RESF1: variants seen among roughly 807,000 people sequenced by gnomAD.
RESF1 encodes gonad expressed transcript.
RESF1 carries 65 observed loss-of-function variants against 134.7 expected under a neutral mutation model. The observed-to-expected ratio is 0.48, with a 90% CI of 0.40 to 0.59. RESF1 has a LOEUF of 0.59. RESF1 is among the 20% of genes least tolerant of loss of function. The pLI is 0.00. For synonymous variants in RESF1, 762 were observed against 702.2 expected, an observed-to-expected ratio of 1.09 and a Z score of -1.35; for missense variants, 2,274 against 2,002.7, an observed-to-expected ratio of 1.14 and a Z score of -2.59.
intron 5 of RESF1, among the ~76,000 whole-genome samples, chr12:31,991,648 GTC>G: frequency 1.3e-5 from 2 of 152,240 alleles, no homozygotes; most frequent in Admixed American, 1.3e-4. Flanking sequence ...TTTTGAGACA[GTC>G]TCGCTCTGTC....
chr12:31,960,569 C>T (rs911437696), intron 1 of RESF1, among the ~76,000 whole-genome samples: 2 of 152,156 alleles, frequency 1.3e-5, no homozygotes, highest in East Asian at 3.8e-4. Flanking sequence ...CCTAGAGGAG[C>T]GCACATAAAT....
Position 31,985,353 on chromosome 12 carries a change from A to G in RESF1, c.4398A>G (p.Lys1466=). The part of the protein sequence containing the change: ...KEALSNKASK[K]ICVKNVPCDS... The stretch of plus-strand genomic sequence containing the variant: ...CTCTGAGTAATAAAGCATCGAAGAA[A>G]ATCTGTGTGAAAAACGTGCCATGTG... The change falls in exon 4 of 6, where the codon AAA becomes AAG. Residue 1466 remains lysine, a synonymous_variant. Transcript: ENST00000312561. The G allele has an allele frequency of 6.2e-7, 1 of 1,609,674 alleles. No homozygotes were observed. Among genetic ancestry groups the G allele is most frequent in the Non-Finnish European group, 8.5e-7 (1 of 1,179,076 alleles).
At chr12:31,966,738 CCTG>C (rs1939405275) in intron 2 of RESF1, among the ~76,000 whole-genome samples, 1 of 152,184 alleles carries the variant, frequency 6.6e-6, no homozygotes, top group Admixed American at 6.5e-5. Context: ...GTGTGATCAT[CCTG>C]CTGGGAATCA....
intron 3 of RESF1, among the ~76,000 whole-genome samples, chr12:31,977,292 T>C (rs1939657495): frequency 6.6e-6 from 1 of 152,124 alleles, no homozygotes; most frequent in Admixed American, 6.5e-5. Context: ...GGGATTGTCC[T>C]ACCTCAGCCT....
intron 2 of RESF1, among the ~76,000 whole-genome samples, chr12:31,963,539 G>A (rs1203406480): frequency 6.6e-6 from 1 of 152,180 alleles, no homozygotes; most frequent in South Asian, 2.1e-4. Flanking sequence ...AAGTTGTTCA[G>A]AGCATGCCTT....
intron 3 of RESF1, among the ~76,000 whole-genome samples, chr12:31,977,801 CTTTT>C (rs3075963): frequency 4.0e-5 from 5 of 124,384 alleles, no homozygotes; most frequent in Admixed American, 8.9e-5. Flanking sequence ...TTCTTTCTTT[CTTTT>C]TTTTTTTTTT....
At position 31,981,237 on chromosome 12, in the gene RESF1, A is replaced by G; in HGVS notation, c.282A>G (p.Thr94=). The change falls in exon 4 of 6, where the codon ACA becomes ACG. Residue 94 remains threonine (T), a synonymous_variant. Transcript: ENST00000312561. ...VASHTSVERI[T]YANVNGPKQL... is the part of the protein sequence containing the mutation. ...CACACACTTCAGTAGAAAGAATAAC[A>G]TATGCAAATGTTAATGGACCCAAAC... 6.2e-7 allele frequency: 1 copy of G among 1,614,206 alleles called. No individual in the cohort carries two copies. Among genetic ancestry groups the G allele is most frequent in the Non-Finnish European group, 8.5e-7 (1 of 1,180,032 alleles).
chr12:31,979,798 C>T (rs913048105), intron 3 of RESF1, among the ~76,000 whole-genome samples: 1 of 151,574 alleles, frequency 6.6e-6, no homozygotes, highest in Non-Finnish European at 1.5e-5. Flanking sequence ...CTCAAGAGAT[C>T]TTCCTGCCTC....
intron 3 of RESF1, among the ~76,000 whole-genome samples, chr12:31,978,060 T>TC (rs1446064554): frequency 1.3e-5 from 2 of 152,018 alleles, no homozygotes; most frequent in East Asian, 3.9e-4. Context: ...CAGCTCAGCC[T>TC]CCCAAAGTGC....
chr12:31,962,220 TAA>T (rs33954876), intron 2 of RESF1, among the ~76,000 whole-genome samples: 31 of 132,598 alleles, frequency 2.3e-4, no homozygotes, highest in South Asian at 1.9e-3. Flanking sequence ...TCTGTCTTTT[TAA>T]AAAAAAAAAA....
rs933120313 is a variant in RESF1 at position 31,973,010 on chromosome 12, C to T, written c.-79+2654C>T. 2.0e-4 allele frequency among the ~76,000 whole-genome samples: 31 copies of T among 151,766 alleles called. 1 individual carries two copies. Among genetic ancestry groups the T allele is most frequent in the Admixed American group, 6.6e-4 (10 of 15,240 alleles). On this transcript the variant is annotated intron_variant, in intron 3 of 5. Coordinates refer to ENST00000312561, the MANE Select transcript of RESF1 (RefSeq NM_018169.4). ...TTTTTTCTGTTTTTAATTTCTTTAA[C>T]GATATTTTCACTGTATTTTTTGTAA...
Position 31,982,619 on chromosome 12 carries a change from C to T in RESF1, c.1664C>T (p.Ser555Leu), listed in dbSNP as rs1939832206. 2 of 1,613,984 alleles carry T rather than the reference C, an allele frequency of 1.2e-6. No individual in the cohort carries two copies. The highest frequency in any genetic ancestry group is 8.5e-7 in the Non-Finnish European group (1 of 1,180,000). ...AATGTTACCAAAGTTGAGCAAAATT[C>T]ACCAGCAGTTTGTGAAACAATTTCT... ...SENVTKVEQN[S>L]PAVCETISVP... The change falls in exon 4 of 6, where the codon TCA (serine) becomes TTA (leucine). Residue 555 changes from serine to leucine, a missense_variant. Physicochemically the swap from Ser to Leu is moderately radical, Grantham distance 145. Coordinates refer to ENST00000312561, the MANE Select transcript of RESF1 (RefSeq NM_018169.4).
At chr12:31,992,168 G>A (rs1940105178) in intron 5 of RESF1, among the ~76,000 whole-genome samples, 1 of 152,164 alleles carries the variant, frequency 6.6e-6, no homozygotes, top group Non-Finnish European at 1.5e-5. Context: ...GGAGGCAGGA[G>A]TAGAAAACAG....
At position 31,981,231 on chromosome 12, in the gene RESF1, A is replaced by T; in HGVS notation, c.276A>T (p.Arg92Ser). ...TGGCCTCACACACTTCAGTAGAAAGAATAACATATGCAAATGTTAATGGAC... is the reference window on the plus strand; with the variant it reads ...TGGCCTCACACACTTCAGTAGAAAGTATAACATATGCAAATGTTAATGGAC... ...TVVASHTSVE[R>S]ITYANVNGPK... The change falls in exon 4 of 6, where the codon AGA (arginine) becomes AGT (serine). Residue 92 changes from arginine (R) to serine (S), a missense_variant. Arg to Ser is a moderately radical substitution (Grantham distance 110). Coordinates refer to ENST00000312561, the MANE Select transcript of RESF1 (RefSeq NM_018169.4). 1 of 1,614,202 alleles carries T rather than the reference A, an allele frequency of 6.2e-7. No homozygotes were observed. Among genetic ancestry groups the T allele is most frequent in the Non-Finnish European group, 8.5e-7 (1 of 1,180,046 alleles).
chr12:31,983,973 A>T lies in RESF1; in HGVS notation c.3018A>T (p.Thr1006=), dbSNP rs777103652. Reference sequence around the variant, plus strand: ...TGGAGCATGCCACTGAAAAAAGCACAGCTAACGATACGTGCTCGTCAGCTG... The same window carrying T: ...TGGAGCATGCCACTGAAAAAAGCACTGCTAACGATACGTGCTCGTCAGCTG... The part of the protein sequence containing the change: ...SSLEHATEKS[T]ANDTCSSAAI... The change falls in exon 4 of 6, where the codon ACA becomes ACT. Residue 1006 remains threonine, a synonymous_variant. Transcript: ENST00000312561. 6.2e-7 allele frequency: 1 copy of T among 1,613,568 alleles called. No individual in the cohort carries two copies. The highest frequency in any genetic ancestry group is 1.3e-5 in the African/African-American group (1 of 74,888).
chr12:31,984,995 A>G lies in RESF1; in HGVS notation c.4040A>G (p.Tyr1347Cys). The change falls in exon 4 of 6, where the codon TAT becomes TGT. Residue 1347 changes from tyrosine to cysteine, a missense_variant. Physicochemically the swap from Tyr to Cys is radical, Grantham distance 194. Transcript: ENST00000312561. ...GCTTTTTTGCCAAATAAAGATGTGT[A>G]TAAGAAGCATAGTTCTTTGGGACAG... Reference protein sequence around the residue: ...KTAFLPNKDVYKKHSSLGQSL... With the variant: ...KTAFLPNKDVCKKHSSLGQSL... 3 of 1,610,210 alleles carry G rather than the reference A, an allele frequency of 1.9e-6. No homozygotes were observed. The highest frequency in any genetic ancestry group is 2.5e-6 in the Non-Finnish European group (3 of 1,179,146).
chr12:31,989,891 A>G (rs934740960), intron 5 of RESF1, among the ~76,000 whole-genome samples: 4 of 152,320 alleles, frequency 2.6e-5, no homozygotes, highest in African/African-American at 9.6e-5. Context: ...GCATATGGGA[A>G]AAACTTGCAT....
At position 31,981,130 on chromosome 12, in the gene RESF1, A is replaced by G. The variant is rs7298803; in HGVS notation, c.175A>G (p.Ile59Val). The change falls in exon 4 of 6, where the codon ATT (isoleucine) becomes GTT (valine). Residue 59 changes from isoleucine to valine, a missense_variant. Physicochemically the swap from Ile to Val is conservative, Grantham distance 29. Coordinates refer to ENST00000312561, the MANE Select transcript of RESF1 (RefSeq NM_018169.4). ...CATGTATCCCGGTAATTCAAATCCA[A>G]TTTCACAGCCACTGCTGAATATCCA... The part of the protein sequence containing the change: ...ACMYPGNSNP[I>V]SQPLLNIQNY... The G allele has an allele frequency of 0.11, 175,040 of 1,613,892 alleles. 10,245 individuals are homozygous for G. The highest frequency in any genetic ancestry group is 0.12 in the Non-Finnish European group (143,622 of 1,179,844).
intron 2 of RESF1, among the ~76,000 whole-genome samples, chr12:31,964,141 CTTTTG>C (rs768520489): frequency 6.6e-6 from 1 of 151,756 alleles, no homozygotes; most frequent in Non-Finnish European, 1.5e-5. Flanking sequence ...TTTTATTTAA[CTTTTG>C]TTTTATGTTT....
Sources: allele counts gnomAD v4.1 joint callset (sites outside exome capture counted in the v4.1 genomes callset), GRCh38; gene constraint gnomAD v4.1.1; transcripts MANE v1.5; gene names NCBI Gene and HGNC (gene_info 2026-07-23, HGNC 2026-07-21).